Variants in MYO16 observed in about 807,000 individuals in gnomAD.
MYO16 encodes the protein myosin XVI.
MYO16 carries 94 observed loss-of-function variants against 205.3 expected under a neutral mutation model. The ratio of observed to expected loss-of-function variants is 0.46; its 90% CI spans 0.39 to 0.54. The LOEUF is 0.54. Ranked by LOEUF, MYO16 falls within the 20% of genes least tolerant of loss-of-function variation. MYO16 has a pLI of 0.00. For synonymous variants in MYO16, 988 were observed against 954.0 expected (o/e 1.04, Z -0.66); for missense variants, 2,315 against 2,387.5 (o/e 0.97, Z 0.63).
At chr13:108,522,654 C>T in the MYO16 span, among the ~76,000 whole-genome samples, 1 of 152,194 alleles carries the variant, frequency 6.6e-6, no homozygotes, top group African/African-American at 2.4e-5. Flanking sequence ...GTAGAATCTA[C>T]CCCATGCCTC....
intron 1 of MYO16, among the ~76,000 whole-genome samples, chr13:108,648,504 C>T (rs1880855632): frequency 6.6e-6 from 1 of 151,942 alleles, no homozygotes; most frequent in South Asian, 2.1e-4. Context: ...TCATTATAAG[C>T]ACAGCACATA....
chr13:108,646,481 A>C (rs1880762453), intron 1 of MYO16, among the ~76,000 whole-genome samples: 1 of 152,224 alleles, frequency 6.6e-6, no homozygotes, highest in Admixed American at 6.5e-5. Context: ...TCTCTCTTCA[A>C]CTCATGATTA....
intron 1 of MYO16, among the ~76,000 whole-genome samples, chr13:108,597,587 T>C (rs1463555503): frequency 1.3e-5 from 2 of 152,200 alleles, no homozygotes; most frequent in Non-Finnish European, 2.9e-5. Context: ...AAGCCTATAT[T>C]TGTTGTTCTA....
chr13:108,765,500 G>C (rs1885750234), intron 4 of MYO16, among the ~76,000 whole-genome samples: 1 of 152,148 alleles, frequency 6.6e-6, no homozygotes, highest in East Asian at 1.9e-4. Flanking sequence ...TCTAGATACA[G>C]TAACTTTCAA....
chr13:109,123,753 AG>A (rs1362880047), intron 29 of MYO16, among the ~76,000 whole-genome samples: 1 of 152,222 alleles, frequency 6.6e-6, no homozygotes, highest in Non-Finnish European at 1.5e-5. Flanking sequence ...CAGCCATCAT[AG>A]TAGAACGTTC....
intron 7 of MYO16, among the ~76,000 whole-genome samples, chr13:108,813,345 T>C (rs1380238287): frequency 6.6e-6 from 1 of 152,160 alleles, no homozygotes; most frequent in African/African-American, 2.4e-5. Context: ...ATGTAGAGTA[T>C]GCACCATTGA....
chr13:108,661,751 G>C (rs1162224858), intron 1 of MYO16, among the ~76,000 whole-genome samples: 1 of 151,984 alleles, frequency 6.6e-6, no homozygotes, highest in Non-Finnish European at 1.5e-5. Context: ...TCCCTGATTA[G>C]CTTAATAACT....
At chr13:108,713,678 T>C (rs1355670907) in intron 3 of MYO16, among the ~76,000 whole-genome samples, 1 of 152,162 alleles carries the variant, frequency 6.6e-6, no homozygotes. Context: ...GAGAAACTGG[T>C]GTATACCAAA....
intron 10 of MYO16, 109 bp downstream of exon 10, chr13:108,844,602 C>T: frequency 9.2e-7 from 1 of 1,092,550 alleles, no homozygotes; most frequent in Non-Finnish European, 1.3e-6. Context: ...CATTCAAAGA[C>T]AATTAATGCA....
intron 1 of MYO16, among the ~76,000 whole-genome samples, chr13:108,644,638 G>A (rs557471082): frequency 6.6e-6 from 1 of 152,184 alleles, no homozygotes; most frequent in Admixed American, 6.5e-5. Context: ...AAAATGCATA[G>A]CATTTAACAT....
At chr13:108,558,241 T>C in the MYO16 span, among the ~76,000 whole-genome samples, 1 of 152,296 alleles carries the variant, frequency 6.6e-6, no homozygotes, top group East Asian at 1.9e-4. Flanking sequence ...GTGGCCTGCT[T>C]TACATGGAAG....
At chr13:108,999,327 A>G (rs1450762322) in intron 21 of MYO16, among the ~76,000 whole-genome samples, 1 of 152,238 alleles carries the variant, frequency 6.6e-6, no homozygotes, top group Non-Finnish European at 1.5e-5. Context: ...TACCCTGTGT[A>G]TCTCCTTTTC....
intron 10 of MYO16, among the ~76,000 whole-genome samples, chr13:108,848,773 T>C (rs1449550026): frequency 1.3e-5 from 2 of 152,158 alleles, no homozygotes; most frequent in Non-Finnish European, 2.9e-5. Flanking sequence ...TAGGACGTCA[T>C]CACTGCACTC....
At chr13:108,578,355 T>A in the MYO16 span, among the ~76,000 whole-genome samples, 6 of 152,314 alleles carry the variant, frequency 3.9e-5, no homozygotes, top group African/African-American at 1.4e-4. Context: ...TAACAAAATA[T>A]CTCATTGCAA....
intron 27 of MYO16, among the ~76,000 whole-genome samples, chr13:109,060,445 G>C (rs1006734681): frequency 6.6e-6 from 1 of 151,828 alleles, no homozygotes; most frequent in Non-Finnish European, 1.5e-5. Flanking sequence ...GAAATCACAT[G>C]GACACAGGGA....
chr13:109,196,250 G>T (rs964705734), intron 34 of MYO16, among the ~76,000 whole-genome samples: 8 of 152,126 alleles, frequency 5.3e-5, no homozygotes, highest in African/African-American at 1.9e-4. Flanking sequence ...AATCACCAAG[G>T]TTTTCTCAAT....
At chr13:109,086,625 A>T (rs796302231) in intron 27 of MYO16, among the ~76,000 whole-genome samples, 14 of 152,222 alleles carry the variant, frequency 9.2e-5, no homozygotes, top group African/African-American at 3.1e-4. Flanking sequence ...ATCTTTTCTT[A>T]TCATTTGGAC....
intron 6 of MYO16, among the ~76,000 whole-genome samples, chr13:108,795,485 G>A (rs888859972): frequency 2.0e-5 from 3 of 152,140 alleles, no homozygotes; most frequent in African/African-American, 4.8e-5. Context: ...TGGGATTACA[G>A]GTGTGAGTTA....
chr13:108,685,651 A>G (rs376681051), intron 2 of MYO16, among the ~76,000 whole-genome samples: 5 of 152,302 alleles, frequency 3.3e-5, no homozygotes, highest in African/African-American at 1.2e-4. Flanking sequence ...CTGACGGTCT[A>G]TATGGCTGCC....
Sources: allele counts gnomAD v4.1 joint callset (sites outside exome capture counted in the v4.1 genomes callset), GRCh38; gene constraint gnomAD v4.1.1; transcripts MANE v1.5; gene names NCBI Gene and HGNC (gene_info 2026-07-23, HGNC 2026-07-21).